Variants in CDKN2B-AS1 observed in about 807,000 individuals in gnomAD.
CDKN2B-AS1 encodes CDKN2B and CDKN2A antisense cis and trans regulatory RNA 1.
intron 4 of CDKN2B-AS1, among the ~76,000 whole-genome samples, chr9:22,063,775 G>A (rs1823920887): frequency 6.6e-6 from 1 of 152,212 alleles, no homozygotes; most frequent in Non-Finnish European, 1.5e-5. Context: ...CCCCGGAGCT[G>A]GAGGACTCAA....
At chr9:22,077,981 G>C (rs1187741488) in intron 4 of CDKN2B-AS1, 1 of 151,964 alleles carries the variant, frequency 6.6e-6, no homozygotes, top group Non-Finnish European at 1.5e-5. Flanking sequence ...ACATGACACT[G>C]CTTCATATTT....
chr9:22,068,682 C>T (rs1824166280), intron 4 of CDKN2B-AS1, among the ~76,000 whole-genome samples: 1 of 152,172 alleles, frequency 6.6e-6, no homozygotes, highest in Non-Finnish European at 1.5e-5. Flanking sequence ...ACTGAATGAG[C>T]TCCTTTAGTA....
At chr9:22,033,969 C>A (rs1321069941) in intron 1 of CDKN2B-AS1, among the ~76,000 whole-genome samples, 1 of 152,194 alleles carries the variant, frequency 6.6e-6, no homozygotes, top group East Asian at 1.9e-4. Flanking sequence ...TAGGTGGCTA[C>A]AGCAGGGTTT....
chr9:22,002,679 T>C (rs899171014), intron 1 of CDKN2B-AS1, among the ~76,000 whole-genome samples: 1 of 152,070 alleles, frequency 6.6e-6, no homozygotes, highest in Non-Finnish European at 1.5e-5. Flanking sequence ...AAATAAAATA[T>C]CATGAAAGTA....
intron 4 of CDKN2B-AS1, among the ~76,000 whole-genome samples, chr9:22,057,370 T>C (rs1823614403): frequency 6.6e-6 from 1 of 152,202 alleles, no homozygotes. Context: ...ATAACAATTA[T>C]GATTGTGATC....
intron 1 of CDKN2B-AS1, among the ~76,000 whole-genome samples, chr9:22,016,216 T>A (rs1821750722): frequency 6.6e-6 from 1 of 152,172 alleles, no homozygotes; most frequent in Admixed American, 6.5e-5. Flanking sequence ...TTCTAGGGTT[T>A]TTATGGTTTT....
rs1306468529 is a variant in CDKN2B-AS1, at chr9:22,006,510, A to C, written n.29+11349A>C. On this transcript the variant is annotated intron_variant and non_coding_transcript_variant, in intron 1 of 4. Transcript: ENST00000650946. The surrounding 1 kb of genome is among the most constrained non-coding windows in gnomAD (Gnocchi z 6.4). ...TGCAGAGACAAGAAAGTTGATGGTAAAGTGATGATCATCATTATGGAAAAA... is the reference window on the plus strand; with the variant it reads ...TGCAGAGACAAGAAAGTTGATGGTACAGTGATGATCATCATTATGGAAAAA... Among the ~76,000 whole-genome samples, 1 of 152,214 alleles carries C rather than the reference A, an allele frequency of 6.6e-6. No individual in the cohort carries two copies. The highest frequency in any genetic ancestry group is 1.9e-4 in the East Asian group (1 of 5,206).
chr9:22,012,334 C>T (rs2131201268), intron 1 of CDKN2B-AS1: 3 of 1,396,434 alleles, frequency 2.1e-6, no homozygotes, highest in South Asian at 2.3e-5. Context: ...CAGACTACAA[C>T]GTCCAGAAAC....
intron 4 of CDKN2B-AS1, among the ~76,000 whole-genome samples, chr9:22,087,884 A>T (rs966124503): frequency 6.6e-6 from 1 of 152,220 alleles, no homozygotes; most frequent in Non-Finnish European, 1.5e-5. Context: ...TGAGTGAAAT[A>T]ATGTTATTAA....
At chr9:22,107,339 G>T (rs1825686695) in intron 4 of CDKN2B-AS1, among the ~76,000 whole-genome samples, 1 of 152,138 alleles carries the variant, frequency 6.6e-6, no homozygotes, top group Non-Finnish European at 1.5e-5. Context: ...ATTACCCAGG[G>T]CTCTAAGTGG....
intron 4 of CDKN2B-AS1, among the ~76,000 whole-genome samples, chr9:22,109,790 A>T (rs1488412510): frequency 6.6e-6 from 1 of 152,190 alleles, no homozygotes; most frequent in Non-Finnish European, 1.5e-5. Flanking sequence ...TATTGTGGGG[A>T]ACCTAAAGTG....
chr9:22,045,702 A>T (rs771729269), intron 1 of CDKN2B-AS1, among the ~76,000 whole-genome samples: 1 of 152,066 alleles, frequency 6.6e-6, no homozygotes, highest in African/African-American at 2.4e-5. Flanking sequence ...GATCACTTAA[A>T]GTCTAAAGTT....
rs1820891613 is a variant in CDKN2B-AS1, at chr9:22,000,917, G to A, written n.29+5756G>A. On this transcript the variant is annotated intron_variant and non_coding_transcript_variant, in intron 1 of 4. Coordinates refer to ENST00000650946, the Ensembl canonical transcript of CDKN2B-AS1. The surrounding 1 kb of genome is among the most constrained non-coding windows in gnomAD (Gnocchi z 4.1). ...CCTAAATACCAGACACTCATTCTTG[G>A]TCCTGACTCCTACTCTGTTATCCAT... Among the ~76,000 whole-genome samples the A allele has an allele frequency of 2.6e-5, 4 of 152,036 alleles. No individual in the cohort carries two copies. Among genetic ancestry groups the A allele is most frequent in the African/African-American group, 9.7e-5 (4 of 41,404 alleles).
At chr9:22,089,846 C>G (rs1563974449) in intron 4 of CDKN2B-AS1, among the ~76,000 whole-genome samples, 2 of 151,908 alleles carry the variant, frequency 1.3e-5, no homozygotes, top group Non-Finnish European at 2.9e-5. Flanking sequence ...TTTAATTATA[C>G]TTTACGTTTT....
intron 4 of CDKN2B-AS1, among the ~76,000 whole-genome samples, chr9:22,094,409 G>C (rs1825204512): frequency 1.4e-5 from 2 of 144,654 alleles, no homozygotes; most frequent in Admixed American, 6.7e-5. Context: ...ATCCTGCAGA[G>C]TGTTTTCCAA....
chr9:22,016,584 T>C (rs1387336854), intron 1 of CDKN2B-AS1, among the ~76,000 whole-genome samples: 1 of 152,168 alleles, frequency 6.6e-6, no homozygotes, highest in African/African-American at 2.4e-5. Flanking sequence ...AGCATGGTAC[T>C]GGTACCAAAA....
intron 1 of CDKN2B-AS1, among the ~76,000 whole-genome samples, chr9:22,017,889 A>G (rs1229222263): frequency 1.3e-5 from 2 of 151,680 alleles, no homozygotes; most frequent in African/African-American, 4.9e-5. Context: ...TGTTGATGGG[A>G]GCCAATAATT....
chr9:22,115,954 C>T (rs61650117), intron 4 of CDKN2B-AS1, among the ~76,000 whole-genome samples: 1,729 of 152,136 alleles, frequency 0.011, 35 homozygotes, highest in African/African-American at 0.04. Flanking sequence ...CTGTTCGGAT[C>T]CCTTCAGCTA....
At chr9:22,055,080 A>G (rs1363375980) in intron 3 of CDKN2B-AS1, among the ~76,000 whole-genome samples, 1 of 152,184 alleles carries the variant, frequency 6.6e-6, no homozygotes, top group Non-Finnish European at 1.5e-5. Flanking sequence ...TATTAAATTC[A>G]TATTTGTTAT....
Sources: gnomAD v4.1 joint callset for allele counts (sites outside exome capture counted in the v4.1 genomes callset) on GRCh38, gnomAD v4.1.1 for gene constraint, Gnocchi (gnomAD v3.1) non-coding constraint, MANE v1.5 for transcripts, NCBI Gene and HGNC (gene_info 2026-07-23, HGNC 2026-07-21) for gene names.